CATSPERT: variants seen among roughly 807,000 people sequenced by gnomAD.
The protein encoded by CATSPERT is catsper channel auxiliary subunit tau.
chr2:201,521,778 C>T, the CATSPERT span, among the ~76,000 whole-genome samples: 1 of 152,044 alleles, frequency 6.6e-6, no homozygotes, highest in Admixed American at 6.5e-5. Flanking sequence ...AAATCAAATC[C>T]ATTAATACAA....
chr2:201,570,008 C>G, the CATSPERT span, among the ~76,000 whole-genome samples: 4 of 151,942 alleles, frequency 2.6e-5, no homozygotes, highest in Non-Finnish European at 4.4e-5. Flanking sequence ...ATGGCAAAAC[C>G]CTGTCTCTAC....
chr2:201,551,494 A>G, the CATSPERT span, among the ~76,000 whole-genome samples: 1 of 152,200 alleles, frequency 6.6e-6, no homozygotes, highest in Non-Finnish European at 1.5e-5. Flanking sequence ...AATGCAAACA[A>G]ATGTAAAGAT....
chr2:201,527,394 A>T, the CATSPERT span, among the ~76,000 whole-genome samples: 1 of 152,352 alleles, frequency 6.6e-6, no homozygotes, highest in South Asian at 2.1e-4. Flanking sequence ...TCTTTGCAGA[A>T]TTAGAAAAAA....
chr2:201,517,461 T>C, the CATSPERT span, among the ~76,000 whole-genome samples: 3 of 152,226 alleles, frequency 2.0e-5, no homozygotes, highest in African/African-American at 7.2e-5. Context: ...CAGCATCCCA[T>C]TCTTATTGTC....
the CATSPERT span, chr2:201,535,484 A>G: frequency 2.3e-4 from 212 of 920,656 alleles, 2 homozygotes; most frequent in South Asian, 1.1e-3. Flanking sequence ...TAAGGAGAAC[A>G]TGTTATTTCC....
At chr2:201,596,218 A>T in the CATSPERT span, among the ~76,000 whole-genome samples, 43 of 152,364 alleles carry the variant, frequency 2.8e-4, no homozygotes, top group Admixed American at 1.4e-3. Flanking sequence ...AATGTAGTAC[A>T]TATACACCAT....
At chr2:201,619,048 G>A in the CATSPERT span, 6 of 1,614,154 alleles carry the variant, frequency 3.7e-6, no homozygotes, top group Admixed American at 3.3e-5. Context: ...CTGCAATAGC[G>A]GGGTGGCGGA....
chr2:201,520,776 C>A, the CATSPERT span, among the ~76,000 whole-genome samples: 1 of 151,724 alleles, frequency 6.6e-6, no homozygotes, highest in Admixed American at 6.6e-5. Context: ...GTAATCCAAG[C>A]TACTAGGGAG....
At chr2:201,582,072 GA>G in the CATSPERT span, 2 of 1,590,324 alleles carry the variant, frequency 1.3e-6, no homozygotes, top group Admixed American at 3.7e-5. Context: ...ATACCAAGGT[GA>G]AAAAAATCAT....
chr2:201,587,855 A>C, the CATSPERT span, among the ~76,000 whole-genome samples: 2 of 152,214 alleles, frequency 1.3e-5, no homozygotes, highest in Non-Finnish European at 2.9e-5. Flanking sequence ...CCATTAGAGA[A>C]TATTATGAAC....
At chr2:201,565,797 T>G in the CATSPERT span, 21 of 1,612,318 alleles carry the variant, frequency 1.3e-5, no homozygotes, top group Non-Finnish European at 1.7e-5. Context: ...ATTGCACAGC[T>G]GGAGTCCCAA....
chr2:201,522,520 G>T, the CATSPERT span, among the ~76,000 whole-genome samples: 2 of 152,106 alleles, frequency 1.3e-5, no homozygotes, highest in Admixed American at 6.6e-5. Context: ...CCTGCATGGG[G>T]TTGCCAAGCA....
the CATSPERT span, chr2:201,494,718 C>A: frequency 1.3e-6 from 2 of 1,528,404 alleles, no homozygotes; most frequent in Non-Finnish European, 1.7e-6. Context: ...TGTTTATATT[C>A]CTTAGAAAAG....
chr2:201,535,701 G>A, the CATSPERT span: 10 of 1,256,424 alleles, frequency 8.0e-6, no homozygotes, highest in Admixed American at 3.0e-4. Flanking sequence ...AAGTAAAGCA[G>A]GAATATTTAA....
At chr2:201,560,462 T>C in the CATSPERT span, among the ~76,000 whole-genome samples, 7 of 39,396 alleles carry the variant, frequency 1.8e-4, no homozygotes, top group African/African-American at 3.8e-4. Context: ...ATAATAATAA[T>C]AATAATAACA....
At chr2:201,598,623 C>G in the CATSPERT span, among the ~76,000 whole-genome samples, 1 of 151,802 alleles carries the variant, frequency 6.6e-6, no homozygotes, top group Non-Finnish European at 1.5e-5. Flanking sequence ...ACTTTGTTGC[C>G]CAGGCTGGAG....
the CATSPERT span, among the ~76,000 whole-genome samples, chr2:201,617,951 T>G: frequency 6.6e-5 from 10 of 152,038 alleles, no homozygotes; most frequent in African/African-American, 2.2e-4. Context: ...AACAGACACA[T>G]GAAAAAATGC....
At chr2:201,529,707 G>C in the CATSPERT span, among the ~76,000 whole-genome samples, 1 of 152,054 alleles carries the variant, frequency 6.6e-6, no homozygotes, top group Non-Finnish European at 1.5e-5. Flanking sequence ...ATGATTTCTT[G>C]GATAGGACTC....
chr2:201,575,302 G>C, the CATSPERT span: 3 of 1,591,302 alleles, frequency 1.9e-6, no homozygotes, highest in Admixed American at 5.2e-5. Context: ...TGCAACACTT[G>C]GACCTCTTCA....
Sources: gnomAD v4.1 joint callset for allele counts (sites outside exome capture counted in the v4.1 genomes callset) on GRCh38, gnomAD v4.1.1 for gene constraint, MANE v1.5 for transcripts, NCBI Gene and HGNC (gene_info 2026-07-23, HGNC 2026-07-21) for gene names.